The following CALR3 variants were observed in gnomAD, a reference collection of about 807,000 sequenced individuals.
The protein encoded by CALR3 is calreticulin-3.
A neutral mutation model predicts 48.7 loss-of-function variants in CALR3; 39 were observed. That is an observed-to-expected ratio of 0.80 (90% CI 0.62 to 1.05). The LOEUF is 1.05. Ranked by LOEUF, CALR3 falls within the 50% of genes least tolerant of loss-of-function variation. The pLI, the probability that CALR3 is intolerant of heterozygous loss-of-function variation, is 0.00. For missense variants in CALR3, 449 were observed against 474.7 expected (o/e 0.95, Z 0.50); for synonymous variants, 185 against 172.7 (o/e 1.07, Z -0.56).
At position 16,495,843 on chromosome 19, in the gene CALR3, C is replaced by A; in HGVS notation, c.101G>T (p.Arg34Ile). ...QEEFLDGEHW[R>I]NRWLQSTNDS... ...ATTGGTGGACTGCAACCATCGGTTT[C>A]TCCAATGCTCTGTGGGGAAGGGGAA... The change falls in exon 2 of 9, where the codon AGA (arginine) becomes ATA (isoleucine). Residue 34 changes from arginine to isoleucine, a missense_variant. Coordinates refer to ENST00000269881, the MANE Select transcript of CALR3 (RefSeq NM_145046.5). 6.2e-7 allele frequency: 1 copy of A among 1,614,078 alleles called. No individual in the cohort carries two copies. Among genetic ancestry groups the A allele is most frequent in the Non-Finnish European group, 8.5e-7 (1 of 1,179,958 alleles).
chr19:16,485,279 C>T lies in CALR3; in HGVS notation c.398-22G>A, dbSNP rs755114071. ...GGTCCTACAAAAAAGATTAGCTGCT[C>T]TCAATTTCTTTCCATAATGCATCAC... On this transcript the variant is annotated intron_variant, in intron 3 of 8. Transcript: ENST00000269881. The T allele has an allele frequency of 8.0e-6, 12 of 1,490,756 alleles. No homozygotes were observed. In the South Asian group the frequency reaches 1.1e-4, roughly 14 times the overall value. 92.3% of individuals were successfully genotyped at this position (1,490,756 alleles called of 1,614,324 possible).
rs548647664 is a variant in CALR3 at position 16,491,179 on chromosome 19, G to C, written c.194-609C>G. On this transcript the variant is annotated intron_variant, in intron 2 of 8. Coordinates refer to ENST00000269881, the MANE Select transcript of CALR3 (RefSeq NM_145046.5). Reference sequence around the variant, plus strand: ...GCTCTGTCGCCCAGGCTGGAGTGCAGTGGCACGATCTCTGCCCACTGCAAG... The same window carrying C: ...GCTCTGTCGCCCAGGCTGGAGTGCACTGGCACGATCTCTGCCCACTGCAAG... 2.2e-4 allele frequency among the ~76,000 whole-genome samples: 33 copies of C among 151,250 alleles called. 1 individual carries two copies. In the South Asian group the frequency reaches 6.3e-3, roughly 29 times the overall value.
At chr19:16,495,553 C>T (rs1278054203) in intron 2 of CALR3, among the ~76,000 whole-genome samples, 198 bp downstream of exon 2, 5 of 64,978 alleles carry the variant, frequency 7.7e-5, no homozygotes, top group Non-Finnish European at 1.5e-4. Flanking sequence ...AGCAAGGCTC[C>T]GTCTCAAAAA....
intron 7 of CALR3, 147 bp downstream of exon 7, chr19:16,482,303 G>T (rs2093382128): frequency 1.8e-6 from 2 of 1,125,630 alleles, no homozygotes; most frequent in East Asian, 5.2e-5. Context: ...GATCGCTTGG[G>T]CCTAGTTTGA....
At chr19:16,486,302 C>T (rs1048571058) in intron 3 of CALR3, among the ~76,000 whole-genome samples, 2 of 148,290 alleles carry the variant, frequency 1.3e-5, no homozygotes, top group Non-Finnish European at 3.0e-5. Context: ...GGTGACCAAG[C>T]GAGACTCCGT....
intron 3 of CALR3, among the ~76,000 whole-genome samples, chr19:16,488,986 AG>A (rs1234238924): frequency 6.6e-6 from 1 of 152,250 alleles, no homozygotes; most frequent in Non-Finnish European, 1.5e-5. Flanking sequence ...GAACAGAGTG[AG>A]GCTGCATTCC....
chr19:16,482,808 A>G (rs201895746), intron 5 of CALR3, 23 bp from the exon 6 acceptor site: 2 of 1,591,518 alleles, frequency 1.3e-6, no homozygotes, highest in East Asian at 4.5e-5. Context: ...GTAAGGAAAA[A>G]GTAAAATCAG....
At chr19:16,484,366 A>C (rs962902610) in intron 4 of CALR3, among the ~76,000 whole-genome samples, 1 of 151,734 alleles carries the variant, frequency 6.6e-6, no homozygotes, top group African/African-American at 2.4e-5. Flanking sequence ...TAGTAGAGAC[A>C]GAGTTTCACC....
Position 16,485,184 on chromosome 19 carries a change from GT to G in CALR3, c.470del (p.Asn157ThrfsTer4). 6.2e-7 allele frequency: 1 copy of G among 1,606,476 alleles called. No homozygotes were observed. ...ILHFKNKYHE[N>X]KKLIRCKVDG... is the part of the protein sequence containing the mutation. ...TTACCTTACACCTGATCAGTTTCTT[GT>G]TTTCGTGATACTTATTCTTGAAATG... On this transcript the variant is annotated frameshift_variant, in exon 4 of 9. Coordinates refer to ENST00000269881, the MANE Select transcript of CALR3 (RefSeq NM_145046.5). LOFTEE classifies it high-confidence loss of function.
chr19:16,479,176 C>G lies in CALR3; in HGVS notation c.1110G>C (p.Arg370Ser). 6.2e-7 allele frequency: 1 copy of G among 1,614,078 alleles called. No individual in the cohort carries two copies. Among genetic ancestry groups the G allele is most frequent in the Non-Finnish European group, 8.5e-7 (1 of 1,180,018 alleles). The change falls in exon 9 of 9, where the codon AGG (arginine) becomes AGC (serine). Residue 370 changes from arginine to serine, a missense_variant. Transcript: ENST00000269881. ...GAAATTGATTGAAGTAATGTTCGTG[C>G]CTGTTAATTTTTCCCGACAGCAGCT... The part of the protein sequence containing the change: ...EEELLSGKIN[R>S]HEHYFNQFHR...
chr19:16,494,593 C>T (rs191875741), intron 2 of CALR3, among the ~76,000 whole-genome samples: 1 of 151,290 alleles, frequency 6.6e-6, no homozygotes, highest in Admixed American at 6.6e-5. Context: ...AACTCCTGAC[C>T]TCATGATCCG....
intron 8 of CALR3, among the ~76,000 whole-genome samples, chr19:16,480,377 C>T (rs2122124508): frequency 6.6e-6 from 1 of 151,780 alleles, no homozygotes; most frequent in Non-Finnish European, 1.5e-5. Context: ...TATGGTGAAA[C>T]CCCCTCTCTA....
intron 8 of CALR3, 68 bp downstream of exon 8, chr19:16,480,546 C>A: frequency 9.3e-7 from 1 of 1,072,342 alleles, no homozygotes; most frequent in Admixed American, 1.8e-5. Flanking sequence ...AGCTAGACTC[C>A]ATCTAAAAAA....
intron 3 of CALR3, among the ~76,000 whole-genome samples, chr19:16,486,771 C>T (rs1254087475): frequency 6.6e-6 from 1 of 152,072 alleles, no homozygotes; most frequent in African/African-American, 2.4e-5. Flanking sequence ...AACTGTGCTT[C>T]CCTTGTCCTC....
At chr19:16,484,161 CTTTTTTCTTTTCTTTTCTT>C in intron 4 of CALR3, 46 bp from the exon 5 acceptor site, 61 of 1,064,862 alleles carry the variant, frequency 5.7e-5, no homozygotes, top group South Asian at 9.5e-5. Flanking sequence ...TCCTCAATTT[CTTTTTTCTTTTCTTTTCTT>C]TTTTTTTTTT....
rs1368274911 is a variant in CALR3, at chr19:16,479,159, T to C, written c.1127A>G (p.Asn376Ser). 1 of 1,614,168 alleles carries C rather than the reference T, an allele frequency of 6.2e-7. No individual in the cohort carries two copies. The highest frequency in any genetic ancestry group is 2.2e-5 in the East Asian group (1 of 44,886). The change falls in exon 9 of 9, where the codon AAT becomes AGT. Residue 376 changes from asparagine (N) to serine (S), a missense_variant. Physicochemically the swap from Asn to Ser is conservative, Grantham distance 46. Coordinates refer to ENST00000269881, the MANE Select transcript of CALR3 (RefSeq NM_145046.5). ...GKINRHEHYFNQFHRRNEL is the reference protein window; with the variant it reads ...GKINRHEHYFSQFHRRNEL ...AAGTTCATTCCTTCTGTGAAATTGA[T>C]TGAAGTAATGTTCGTGCCTGTTAAT...
At chr19:16,489,887 C>A (rs1180147207) in intron 3 of CALR3, among the ~76,000 whole-genome samples, 3 of 152,042 alleles carry the variant, frequency 2.0e-5, no homozygotes, top group African/African-American at 7.2e-5. Context: ...ACAGGTTGAG[C>A]ATCCCAAATC....
chr19:16,485,281 C>A (rs2093387522), intron 3 of CALR3, 24 bp from the exon 4 acceptor site: 8 of 1,455,904 alleles, frequency 5.5e-6, no homozygotes, highest in South Asian at 2.3e-5. Flanking sequence ...TAGCTGCTCT[C>A]AATTTCTTTC....
chr19:16,494,651 G>A (rs1039916453), intron 2 of CALR3, among the ~76,000 whole-genome samples: 1 of 152,066 alleles, frequency 6.6e-6, no homozygotes, highest in African/African-American at 2.4e-5. Context: ...ATGAGCCACC[G>A]CGCCTGGCCT....
Sources: gnomAD v4.1 joint callset for allele counts (sites outside exome capture counted in the v4.1 genomes callset) on GRCh38, gnomAD v4.1.1 for gene constraint, MANE v1.5 for transcripts, NCBI Gene and HGNC (gene_info 2026-07-23, HGNC 2026-07-21) for gene names.